Variants in SPSB4 observed in about 807,000 individuals in gnomAD.
SPSB4 encodes the protein SPRY domain-containing SOCS box protein 4.
Under a neutral mutation model 20.9 loss-of-function variants are expected in SPSB4, and 21 were observed. The observed-to-expected ratio is 1.01, with a 90% CI of 0.71 to 1.45. The LOEUF is 1.45. SPSB4 is among the 40% of genes most tolerant of loss of function. The pLI is 0.00. For missense variants in SPSB4, 399 were observed against 399.2 expected (o/e 1.00, Z 0.00); for synonymous variants, 207 against 183.8 (o/e 1.13, Z -1.02).
rs188276888 is a variant in SPSB4, at chr3:141,085,003, G to T, written c.694+18205G>T. ...CCAGGGCACTGTGGGAACTCAAGAT[G>T]GATGCACTGCAGTGTCAGAATCCAG... On this transcript the variant is annotated intron_variant, in intron 2 of 2. Transcript: ENST00000310546. Among the ~76,000 whole-genome samples the T allele has an allele frequency of 1.6e-4, 25 of 152,344 alleles. No homozygotes were observed. The East Asian group carries it at 4.4e-3, about 27-fold the overall frequency.
At chr3:141,110,415 C>A (rs1241737354) in intron 2 of SPSB4, among the ~76,000 whole-genome samples, 1 of 152,212 alleles carries the variant, frequency 6.6e-6, no homozygotes, top group Non-Finnish European at 1.5e-5. Flanking sequence ...CCCATTGCCA[C>A]ATACTGCCTT....
At chr3:141,128,968 G>A (rs950496131) in intron 2 of SPSB4, among the ~76,000 whole-genome samples, 11 of 152,158 alleles carry the variant, frequency 7.2e-5, no homozygotes, top group African/African-American at 2.4e-4. Context: ...GTAACTTTCA[G>A]ACTAGGTGGA....
rs563354121 is a variant in SPSB4 at position 141,085,058 on chromosome 3, C to T, written c.694+18260C>T. Reference sequence around the variant, plus strand: ...GCTTTCCAGAGAGGAGTGCTTGAGCCGAGTCTTGGAGGATGGGTTGGCATT... The same window carrying T: ...GCTTTCCAGAGAGGAGTGCTTGAGCTGAGTCTTGGAGGATGGGTTGGCATT... On this transcript the variant is annotated intron_variant, in intron 2 of 2. Coordinates refer to ENST00000310546, the MANE Select transcript of SPSB4 (RefSeq NM_080862.3). Among the ~76,000 whole-genome samples the T allele has an allele frequency of 3.5e-4, 54 of 152,204 alleles. 1 individual carries two copies. The highest frequency in any genetic ancestry group is 2.6e-3 in the Admixed American group (39 of 15,288).
At chr3:141,101,076 A>T (rs1191202939) in intron 2 of SPSB4, among the ~76,000 whole-genome samples, 1 of 152,176 alleles carries the variant, frequency 6.6e-6, no homozygotes, top group Non-Finnish European at 1.5e-5. Flanking sequence ...GTATGGAAGG[A>T]TGTGGTACGA....
intron 2 of SPSB4, among the ~76,000 whole-genome samples, chr3:141,114,317 G>A (rs990684017): frequency 6.6e-6 from 1 of 152,096 alleles, no homozygotes; most frequent in Non-Finnish European, 1.5e-5. Flanking sequence ...CCAGCTGAGG[G>A]TATCTCACTC....
At chr3:141,058,136 C>T (rs979371199) in intron 1 of SPSB4, among the ~76,000 whole-genome samples, 1 of 151,858 alleles carries the variant, frequency 6.6e-6, no homozygotes, top group African/African-American at 2.4e-5. Context: ...TGTCTTCTTG[C>T]AGACCCCGTG....
At chr3:141,081,648 G>A (rs932685659) in intron 2 of SPSB4, among the ~76,000 whole-genome samples, 12 of 151,756 alleles carry the variant, frequency 7.9e-5, no homozygotes, top group African/African-American at 1.7e-4. Context: ...GGAGCTCTGC[G>A]GGGGGAGGGG....
intron 2 of SPSB4, among the ~76,000 whole-genome samples, chr3:141,095,672 C>G (rs532590479): frequency 3.2e-4 from 49 of 152,268 alleles, no homozygotes; most frequent in Non-Finnish European, 6.8e-4. Flanking sequence ...CCTGTCCCCT[C>G]GGAACATTCT....
At chr3:141,053,735 AT>A (rs141574829) in intron 1 of SPSB4, among the ~76,000 whole-genome samples, 5,812 of 151,864 alleles carry the variant, frequency 0.038, 351 homozygotes, top group African/African-American at 0.13. Context: ...AAATTACAAG[AT>A]TTTTTTTTAA....
chr3:141,092,710 G>T (rs1268214509), intron 2 of SPSB4, among the ~76,000 whole-genome samples: 1 of 152,244 alleles, frequency 6.6e-6, no homozygotes, highest in Non-Finnish European at 1.5e-5. Context: ...CTGAGGCCGG[G>T]TGAGCAGCCT....
rs368939989 is a variant in SPSB4 at position 141,099,844 on chromosome 3, CAG to C, written c.694+33049_694+33050del. Among the ~76,000 whole-genome samples the C allele has an allele frequency of 1.2e-3, 178 of 152,314 alleles. 3 individuals are homozygous for C. Among genetic ancestry groups the C allele is most frequent in the African/African-American group, 4.2e-3 (174 of 41,572 alleles). On this transcript the variant is annotated intron_variant, in intron 2 of 2. Coordinates refer to ENST00000310546, the MANE Select transcript of SPSB4 (RefSeq NM_080862.3). Reference sequence around the variant, plus strand: ...CCCCCCTAACCTGAGGTCAGTCAAACAGAGCCTCTGTTTACTTCTTTCTGAGA... The same window carrying C: ...CCCCCCTAACCTGAGGTCAGTCAAACAGCCTCTGTTTACTTCTTTCTGAGA...
In SPSB4 at chr3:141,066,174, C is replaced by T. The variant is rs753764615; in HGVS notation, c.70C>T (p.Arg24Trp). The change falls in exon 2 of 3, where the codon CGG (arginine) becomes TGG (tryptophan). Residue 24 changes from arginine to tryptophan, a missense_variant. Arg to Trp is a moderately radical substitution (Grantham distance 101, BLOSUM62 -3). Transcript: ENST00000310546. ...VREPALRPAK[R>W]ELRGAEPGRP... ...AGAGCCGGCGCTGCGGCCGGCCAAG[C>T]GGGAGCTGCGGGGTGCAGAGCCCGG... 1.3e-6 allele frequency: 2 copies of T among 1,532,084 alleles called. No individual in the cohort carries two copies. The highest frequency in any genetic ancestry group is 8.8e-7 in the Non-Finnish European group (1 of 1,141,572). 94.9% of individuals were successfully genotyped at this position (1,532,084 alleles called of 1,614,324 possible).
At position 141,065,999 on chromosome 3, in the gene SPSB4, G is replaced by T; in HGVS notation, c.-106G>T. 3 of 1,081,302 alleles carry T rather than the reference G, an allele frequency of 2.8e-6. No homozygotes were observed. Among genetic ancestry groups the T allele is most frequent in the Non-Finnish European group, 3.8e-6 (3 of 798,016 alleles). The allele number at this position is 1,081,302 out of a possible 1,614,324, so 67.0% of individuals were successfully genotyped here. A position where few individuals can be genotyped will look rare whatever the true frequency, so the allele number is the denominator to read the frequency against. On this transcript the variant is annotated 5_prime_UTR_variant, in exon 2 of 3. Transcript: ENST00000310546. ...CCGGTAGAGGCTGTGGAGGTCTACC[G>T]TCCGGAAGCCTGGTTCCCAGCCCCG...
intron 2 of SPSB4, chr3:141,080,251 A>C (rs1938204334): frequency 6.6e-6 from 1 of 151,852 alleles, no homozygotes; most frequent in Non-Finnish European, 1.5e-5. Flanking sequence ...GCTGATTTGA[A>C]CCTCCATCTT....
intron 2 of SPSB4, among the ~76,000 whole-genome samples, chr3:141,085,538 T>C (rs1338278051): frequency 6.6e-6 from 1 of 152,192 alleles, no homozygotes; most frequent in Non-Finnish European, 1.5e-5. Context: ...ACGTGACTCA[T>C]CTTTTAAAAG....
chr3:141,071,724 C>T (rs956833805), intron 2 of SPSB4, among the ~76,000 whole-genome samples: 1 of 152,182 alleles, frequency 6.6e-6, no homozygotes, highest in African/African-American at 2.4e-5. Context: ...GGCTGACTTT[C>T]ACAGGGTGGA....
At chr3:141,136,920 T>A (rs1370558600) in intron 2 of SPSB4, among the ~76,000 whole-genome samples, 1 of 152,214 alleles carries the variant, frequency 6.6e-6, no homozygotes, top group African/African-American at 2.4e-5. Flanking sequence ...AATCTATAAA[T>A]AACCTTGGGC....
At chr3:141,077,495 TC>T in intron 2 of SPSB4, 1 of 152,350 alleles carries the variant, frequency 6.6e-6, no homozygotes, top group Non-Finnish European at 1.5e-5. Context: ...TGCTTCTGAG[TC>T]GATCCAGGGA....
At chr3:141,121,962 G>A (rs747473171) in intron 2 of SPSB4, among the ~76,000 whole-genome samples, 6 of 152,264 alleles carry the variant, frequency 3.9e-5, no homozygotes, top group East Asian at 3.9e-4. Context: ...CTTTGCTGGC[G>A]AGGATCTGCA....
Sources: gnomAD v4.1 joint callset for allele counts (sites outside exome capture counted in the v4.1 genomes callset) on GRCh38, gnomAD v4.1.1 for gene constraint, MANE v1.5 for transcripts, NCBI Gene and HGNC (gene_info 2026-07-23, HGNC 2026-07-21) for gene names.